Variants in OR14A2 observed in about 807,000 individuals in gnomAD.
OR14A2 encodes olfactory receptor 14A2.
For synonymous variants in OR14A2, 114 were observed against 58.6 expected (o/e 1.95, Z -4.32); for missense variants, 237 against 152.9 (o/e 1.55, Z -2.90).
chr1:247,741,492 G>A, the OR14A2 span, among the ~76,000 whole-genome samples: 2 of 152,138 alleles, frequency 1.3e-5, no homozygotes, highest in African/African-American at 4.8e-5. Flanking sequence ...CCCTGTTATA[G>A]AAACATTGAA....
upstream of OR14A2, chr1:247,724,104 A>G: frequency 3.2e-6 from 2 of 626,846 alleles, no homozygotes; most frequent in Non-Finnish European, 5.7e-6. Context: ...ATAAAGGAGA[A>G]AAAAATTAAA....
the OR14A2 span, chr1:247,746,655 A>G: frequency 1.3e-5 from 2 of 152,206 alleles, no homozygotes; most frequent in Admixed American, 6.5e-5. Context: ...ATTTCTCCAT[A>G]TAGTTGGCAT....
At chr1:247,725,818 G>T (rs1298954747), upstream of OR14A2, among the ~76,000 whole-genome samples, 4 of 114,370 alleles carry the variant, frequency 3.5e-5, no homozygotes, top group Admixed American at 1.9e-4. Context: ...TACTGAGAAT[G>T]ATGATTTCCA....
At chr1:247,737,097 C>T in the OR14A2 span, among the ~76,000 whole-genome samples, 1 of 152,108 alleles carries the variant, frequency 6.6e-6, no homozygotes, top group South Asian at 2.1e-4. Context: ...ATGCCTGGTC[C>T]CTTTTCAACT....
chr1:247,724,639 T>G (rs1023249149), upstream of OR14A2, among the ~76,000 whole-genome samples: 40 of 152,270 alleles, frequency 2.6e-4, no homozygotes, highest in African/African-American at 8.7e-4. Context: ...TGTATTATCT[T>G]GAGGTCATGC....
the OR14A2 span, chr1:247,739,501 A>C: frequency 1.3e-6 from 1 of 780,840 alleles, no homozygotes; most frequent in South Asian, 1.3e-5. Context: ...AAGGACATTA[A>C]ATCCGCTCTG....
chr1:247,738,997 T>A, the OR14A2 span: 1 of 780,784 alleles, frequency 1.3e-6, no homozygotes, highest in South Asian at 1.3e-5. Context: ...TGCTGCCCCC[T>A]ACACTGTGAG....
chr1:247,743,996 A>G, the OR14A2 span, among the ~76,000 whole-genome samples: 52 of 152,310 alleles, frequency 3.4e-4, 1 homozygote, highest in South Asian at 1.7e-3. Flanking sequence ...CACCCGGGGT[A>G]AAGTAGGCAT....
upstream of OR14A2, among the ~76,000 whole-genome samples, chr1:247,727,308 G>A (rs1238861852): frequency 1.4e-5 from 2 of 148,138 alleles, no homozygotes; most frequent in Admixed American, 6.6e-5. Context: ...GTGAATGGGA[G>A]TTCACTCATG....
chr1:247,723,221 T>A, exon 1 of OR14A2: 1 of 717,660 alleles, frequency 1.4e-6, no homozygotes, highest in Non-Finnish European at 2.6e-6. Context: ...ACAGTGTAGA[T>A]CACAGAAAGC....
the OR14A2 span, chr1:247,739,215 G>A: frequency 5.1e-6 from 4 of 780,718 alleles, no homozygotes; most frequent in East Asian, 9.7e-5. Context: ...TGTGGCCATT[G>A]GGGTCTGTTA....
the OR14A2 span, among the ~76,000 whole-genome samples, chr1:247,741,735 C>G: frequency 6.6e-6 from 1 of 151,384 alleles, no homozygotes; most frequent in African/African-American, 2.5e-5. Context: ...TGTCTTGAAT[C>G]TATTGGTCAT....
chr1:247,740,992 A>G, the OR14A2 span, among the ~76,000 whole-genome samples: 2 of 152,208 alleles, frequency 1.3e-5, no homozygotes, highest in African/African-American at 2.4e-5. Flanking sequence ...TGCTCACTAC[A>G]GCATCTTTGA....
At chr1:247,723,745 A>G (rs1274941333) in exon 1 of OR14A2, 4 of 718,468 alleles carry the variant, frequency 5.6e-6, no homozygotes, top group Non-Finnish European at 1.0e-5. Flanking sequence ...AGTCATTAAA[A>G]GTAGCTGGAA....
At chr1:247,742,187 T>C in the OR14A2 span, among the ~76,000 whole-genome samples, 1 of 152,230 alleles carries the variant, frequency 6.6e-6, no homozygotes, top group Non-Finnish European at 1.5e-5. Context: ...TTATTTCAAA[T>C]ACCATGTAAT....
the OR14A2 span, among the ~76,000 whole-genome samples, chr1:247,737,167 A>C: frequency 0.02 from 3,065 of 152,170 alleles, 31 homozygotes; most frequent in African/African-American, 0.026. Context: ...GACATATTCT[A>C]TGAAGGTTAG....
chr1:247,739,429 T>C, the OR14A2 span: 1 of 780,834 alleles, frequency 1.3e-6, no homozygotes, highest in East Asian at 2.4e-5. Flanking sequence ...GACTTGCTGG[T>C]GTCTGTGTTC....
chr1:247,727,035 T>A (rs2103204235), upstream of OR14A2, among the ~76,000 whole-genome samples: 1 of 150,856 alleles, frequency 6.6e-6, no homozygotes, highest in East Asian at 1.9e-4. Context: ...TGGTGCCATA[T>A]GAACTTTAAA....
chr1:247,737,768 G>A, the OR14A2 span, among the ~76,000 whole-genome samples: 3 of 152,118 alleles, frequency 2.0e-5, no homozygotes, highest in South Asian at 2.1e-4. Context: ...TCTCCCTCAC[G>A]TTGGGGTGTG....
Sources: allele counts gnomAD v4.1 joint callset (sites outside exome capture counted in the v4.1 genomes callset), GRCh38; gene constraint gnomAD v4.1.1; transcripts MANE v1.5; gene names NCBI Gene and HGNC (gene_info 2026-07-23, HGNC 2026-07-21).